The following MAEA variants were observed in gnomAD, a reference collection of about 807,000 sequenced individuals.
MAEA encodes E3 ubiquitin-protein transferase MAEA.
A neutral mutation model predicts 46.2 loss-of-function variants in MAEA; 22 were observed. That is an observed-to-expected ratio of 0.48 (90% confidence interval 0.34 to 0.68). The LOEUF (loss-of-function observed/expected upper bound fraction) is 0.68. MAEA is among the 30% of genes least tolerant of loss of function. MAEA has a pLI of 0.01. For missense variants in MAEA, 393 were observed against 558.1 expected (o/e 0.70, Z 2.98); for synonymous variants, 246 against 222.6 (o/e 1.11, Z -0.94).
At chr4:1,328,600 A>G (rs751430275) in intron 5 of MAEA, 9 of 1,212,238 alleles carry the variant, frequency 7.4e-6, no homozygotes, top group Middle Eastern at 2.3e-4. Flanking sequence ...CCATGCCCAC[A>G]GAAACCCGAC....
intron 1 of MAEA, among the ~76,000 whole-genome samples, chr4:1,301,700 G>A (rs1005372836): frequency 6.7e-6 from 1 of 149,526 alleles, no homozygotes. Context: ...CGCCCTATAT[G>A]AATGAATGAA....
intron 7 of MAEA, chr4:1,337,460 G>A (rs879266389): frequency 7.7e-5 from 16 of 207,208 alleles, no homozygotes; most frequent in Non-Finnish European, 1.4e-4. Context: ...TCCCACCTGC[G>A]ACTCACTGAG....
chr4:1,297,735 A>G (rs1734898261), intron 1 of MAEA, among the ~76,000 whole-genome samples: 1 of 152,144 alleles, frequency 6.6e-6, no homozygotes. Flanking sequence ...GGAGTCAGTC[A>G]ATGGCTGTTG....
chr4:1,299,081 G>A (rs903872183), intron 1 of MAEA, among the ~76,000 whole-genome samples: 3 of 152,022 alleles, frequency 2.0e-5, no homozygotes, highest in Admixed American at 6.5e-5. Context: ...TTCTAGCTCC[G>A]TTGTCTAGGC....
chr4:1,338,830 C>T (rs557536144), intron 8 of MAEA: 90 of 656,334 alleles, frequency 1.4e-4, no homozygotes, highest in African/African-American at 1.3e-3. Flanking sequence ...GGCTGGCACA[C>T]GTCGCCATTG....
intron 1 of MAEA, among the ~76,000 whole-genome samples, chr4:1,291,939 C>G (rs981430970): frequency 6.6e-6 from 1 of 152,156 alleles, no homozygotes; most frequent in African/African-American, 2.4e-5. Context: ...TAGAAGTTTT[C>G]AGGAGTGATT....
At chr4:1,297,030 C>T (rs933523415) in intron 1 of MAEA, among the ~76,000 whole-genome samples, 3 of 152,192 alleles carry the variant, frequency 2.0e-5, no homozygotes, top group Non-Finnish European at 2.9e-5. Flanking sequence ...GAGGCCATCC[C>T]GTGTAGTCAC....
intron 1 of MAEA, among the ~76,000 whole-genome samples, chr4:1,303,515 A>G (rs1490787680): frequency 6.6e-6 from 1 of 152,178 alleles, no homozygotes; most frequent in Non-Finnish European, 1.5e-5. Context: ...CATGAAGAGG[A>G]GTGGAGCGTC....
intron 1 of MAEA, among the ~76,000 whole-genome samples, chr4:1,297,402 C>A (rs934579225): frequency 6.9e-6 from 1 of 145,546 alleles, no homozygotes; most frequent in Admixed American, 6.7e-5. Flanking sequence ...TCAGCTCATT[C>A]CCCAGAGCAC....
In MAEA at chr4:1,319,735, G is replaced by GT. The variant is rs1214570141; in HGVS notation, c.457-2645dup. ...AGTCTGGACAAGAGAGCGAGACCCT[G>GT]TCTCAAAAAAAAAAAAATGGTTTTT... On this transcript the variant is annotated intron_variant, in intron 3 of 8. Transcript: ENST00000303400. Among the ~76,000 whole-genome samples, 29 of 150,762 alleles carry GT rather than the reference G, an allele frequency of 1.9e-4. 1 individual carries two copies. Among genetic ancestry groups the GT allele is most frequent in the African/African-American group, 5.9e-4 (24 of 40,836 alleles).
intron 1 of MAEA, among the ~76,000 whole-genome samples, chr4:1,301,431 C>T (rs963701217): frequency 2.6e-5 from 4 of 152,132 alleles, no homozygotes; most frequent in African/African-American, 7.2e-5. Context: ...AGAGAAATCC[C>T]GTGAACATAA....
chr4:1,308,897 G>A (rs981892771), intron 1 of MAEA, among the ~76,000 whole-genome samples: 2 of 152,166 alleles, frequency 1.3e-5, no homozygotes, highest in African/African-American at 4.8e-5. Flanking sequence ...TTTTAAGTTT[G>A]ATGTAGTCCC....
At chr4:1,333,042 A>T (rs1712054080) in intron 6 of MAEA, among the ~76,000 whole-genome samples, 177 bp downstream of exon 6, 1 of 152,048 alleles carries the variant, frequency 6.6e-6, no homozygotes, top group South Asian at 2.1e-4. Context: ...GCTCATAAGA[A>T]ATTTGAATCA....
At chr4:1,323,068 TCCTGAG>T (rs2108961821) in intron 4 of MAEA, among the ~76,000 whole-genome samples, 1 of 146,090 alleles carries the variant, frequency 6.8e-6, no homozygotes, top group South Asian at 2.3e-4. Context: ...TGCCTTGGCC[TCCTGAG>T]TAGCTGGGAT....
rs567455852 is a variant in MAEA, at chr4:1,325,388, G to A, written c.580-2239G>A. The stretch of plus-strand genomic sequence containing the variant: ...GCCTTGTTGGCGCTCCACGCCGTAT[G>A]GGACAGTGTAGACTCGGTGTTTTAG... On this transcript the variant is annotated intron_variant, in intron 4 of 8. Coordinates refer to ENST00000303400, the MANE Select transcript of MAEA (RefSeq NM_001017405.3). 2.0e-5 allele frequency among the ~76,000 whole-genome samples: 3 copies of A among 152,364 alleles called. No homozygotes were observed. The South Asian group carries it at 6.2e-4, about 32-fold the overall frequency.
chr4:1,312,261 C>T (rs140527864), intron 2 of MAEA, 100 bp downstream of exon 2: 16 of 1,436,884 alleles, frequency 1.1e-5, no homozygotes, highest in Admixed American at 4.0e-5. Flanking sequence ...GATGGGAACG[C>T]GGGAGGTGCG....
chr4:1,310,065 A>C, intron 1 of MAEA: 4 of 1,069,172 alleles, frequency 3.7e-6, no homozygotes, highest in Non-Finnish European at 4.6e-6. Context: ...TAATGGTCTA[A>C]TGGCGAAGAC....
At chr4:1,308,008 G>A (rs1340622105) in intron 1 of MAEA, among the ~76,000 whole-genome samples, 2 of 101,626 alleles carry the variant, frequency 2.0e-5, no homozygotes, top group African/African-American at 5.6e-5. Flanking sequence ...GTGCAGATAC[G>A]GTCATGTGTC....
intron 1 of MAEA, among the ~76,000 whole-genome samples, chr4:1,302,913 C>A (rs879316530): frequency 5.3e-5 from 8 of 152,172 alleles, no homozygotes; most frequent in Admixed American, 4.6e-4. Context: ...TCCTACCCCA[C>A]CAGAAGGGCT....
Sources: allele counts gnomAD v4.1 joint callset (sites outside exome capture counted in the v4.1 genomes callset), GRCh38; gene constraint gnomAD v4.1.1; transcripts MANE v1.5; gene names NCBI Gene and HGNC (gene_info 2026-07-23, HGNC 2026-07-21).